Variants in AP4S1 observed in about 807,000 individuals in gnomAD.
AP4S1 encodes the protein AP-4 complex subunit sigma-1.
A neutral mutation model predicts 19.8 loss-of-function variants in AP4S1; 23 were observed. The observed-to-expected ratio is 1.16, with a 90% confidence interval of 0.84 to 1.65. The LOEUF (loss-of-function observed/expected upper bound fraction) is 1.65, where lower values mean the gene tolerates loss of function less well. AP4S1 is among the 40% of genes most tolerant of loss of function. The pLI, the probability that AP4S1 is intolerant of heterozygous loss-of-function variation, is 0.00. For missense variants in AP4S1, 166 were observed against 172.8 expected, an observed-to-expected ratio of 0.96 and a Z score of 0.22; for synonymous variants, 46 against 54.1, an observed-to-expected ratio of 0.85 and a Z score of 0.66.
chr14:31,092,116 T>C (rs1303065468), intron 5 of AP4S1, among the ~76,000 whole-genome samples: 1 of 152,226 alleles, frequency 6.6e-6, no homozygotes, highest in Non-Finnish European at 1.5e-5. Flanking sequence ...TAAGCCAAAG[T>C]GGCTCCATCA....
At chr14:31,068,491 C>G (rs990378674) in intron 2 of AP4S1, among the ~76,000 whole-genome samples, 3 of 152,238 alleles carry the variant, frequency 2.0e-5, no homozygotes, top group African/African-American at 7.2e-5. Flanking sequence ...CCATGGCACA[C>G]ACTGTTTCAT....
At chr14:31,071,872 T>C (rs2139063429) in intron 3 of AP4S1, among the ~76,000 whole-genome samples, 1 of 151,894 alleles carries the variant, frequency 6.6e-6, no homozygotes, top group South Asian at 2.1e-4. Flanking sequence ...CACACCAAGA[T>C]ACCTGGATAT....
At chr14:31,082,947 GT>G (rs2139108119) in intron 5 of AP4S1, among the ~76,000 whole-genome samples, 1 of 151,950 alleles carries the variant, frequency 6.6e-6, no homozygotes, top group South Asian at 2.1e-4. Context: ...AGCCTTAATA[GT>G]TGATGTTGCC....
intron 1 of AP4S1, among the ~76,000 whole-genome samples, chr14:31,057,697 C>T (rs1886196512): frequency 6.6e-6 from 1 of 152,056 alleles, no homozygotes; most frequent in Non-Finnish European, 1.5e-5. Flanking sequence ...GCAGTCTCGG[C>T]TTACTGCAAC....
At chr14:31,076,155 A>G (rs1247461246) in intron 4 of AP4S1, among the ~76,000 whole-genome samples, 1 of 152,208 alleles carries the variant, frequency 6.6e-6, no homozygotes, top group African/African-American at 2.4e-5. Context: ...GCATAGAACC[A>G]TGCTTTCAGT....
Position 31,093,132 on chromosome 14 carries a change from A to G in AP4S1, c.*97A>G. On this transcript the variant is annotated 3_prime_UTR_variant, in exon 6 of 6. Coordinates refer to ENST00000542754, the MANE Select transcript of AP4S1 (RefSeq NM_001128126.3). Reference sequence around the variant, plus strand: ...ACCCAGAAGAATCTGGAAGACCACAATTACAAAATGGGGTATCCTTCCAAA... The same window carrying G: ...ACCCAGAAGAATCTGGAAGACCACAGTTACAAAATGGGGTATCCTTCCAAA... 1.6e-6 allele frequency: 2 copies of G among 1,265,822 alleles called. No homozygotes were observed. Among genetic ancestry groups the G allele is most frequent in the Non-Finnish European group, 1.1e-6 (1 of 936,384 alleles). The allele number at this position is 1,265,822 out of a possible 1,614,324, so 78.4% of individuals were successfully genotyped here.
chr14:31,053,862 A>AT (rs1885953607), intron 1 of AP4S1, among the ~76,000 whole-genome samples: 1 of 152,166 alleles, frequency 6.6e-6, no homozygotes. Context: ...GTTTAAAAAA[A>AT]TAATAAAGTT....
At chr14:31,064,796 A>C (rs570032708) in intron 1 of AP4S1, among the ~76,000 whole-genome samples, 4 of 152,314 alleles carry the variant, frequency 2.6e-5, no homozygotes, top group Admixed American at 2.6e-4. Flanking sequence ...CTCTACAAAA[A>C]GTTAAAAAAT....
At chr14:31,082,966 T>C (rs1887731411) in intron 5 of AP4S1, among the ~76,000 whole-genome samples, 1 of 152,190 alleles carries the variant, frequency 6.6e-6, no homozygotes, top group African/African-American at 2.4e-5. Flanking sequence ...GCCATGACTT[T>C]AGGTAACTGA....
intron 1 of AP4S1, among the ~76,000 whole-genome samples, chr14:31,042,082 C>T (rs1044843825): frequency 1.3e-5 from 2 of 152,184 alleles, no homozygotes; most frequent in South Asian, 2.1e-4. Context: ...CCACATGCCT[C>T]AGCTTCCCAA....
intron 5 of AP4S1, among the ~76,000 whole-genome samples, chr14:31,084,075 C>G (rs1448861954): frequency 6.6e-6 from 1 of 152,184 alleles, no homozygotes; most frequent in East Asian, 1.9e-4. Flanking sequence ...TCCCTTAGGC[C>G]TTAAAAGGTT....
intron 1 of AP4S1, among the ~76,000 whole-genome samples, chr14:31,045,428 C>T (rs538036305): frequency 2.6e-5 from 4 of 151,990 alleles, no homozygotes; most frequent in Admixed American, 6.6e-5. Context: ...TGATAGTGAG[C>T]GAGTGTGATA....
chr14:31,089,734 T>C (rs1355308645), intron 5 of AP4S1, among the ~76,000 whole-genome samples: 1 of 152,072 alleles, frequency 6.6e-6, no homozygotes, highest in Non-Finnish European at 1.5e-5. Flanking sequence ...CTGGCCAACA[T>C]GGCAAAACCT....
intron 1 of AP4S1, among the ~76,000 whole-genome samples, chr14:31,061,982 A>G (rs916152979): frequency 5.3e-5 from 8 of 152,026 alleles, no homozygotes; most frequent in African/African-American, 1.9e-4. Context: ...AGATTGATCT[A>G]TATGCCACAT....
intron 1 of AP4S1, 121 bp downstream of exon 1, chr14:31,025,908 A>G: frequency 6.2e-7 from 1 of 1,600,836 alleles, no homozygotes; most frequent in Non-Finnish European, 8.5e-7. Flanking sequence ...AGGTACCTGC[A>G]GTTCGGCCCG....
At chr14:31,085,560 G>A (rs1165482901) in intron 5 of AP4S1, 1 of 975,894 alleles carries the variant, frequency 1.0e-6, no homozygotes, top group Admixed American at 6.2e-5. Context: ...GATTGCTTGA[G>A]GCCAGGAGTT....
At chr14:31,083,927 G>T (rs1429630516) in intron 5 of AP4S1, among the ~76,000 whole-genome samples, 1 of 152,146 alleles carries the variant, frequency 6.6e-6, no homozygotes, top group African/African-American at 2.4e-5. Flanking sequence ...AAAGATGAGG[G>T]GATCTTGTCG....
At chr14:31,058,527 A>ATG (rs140119208) in intron 1 of AP4S1, among the ~76,000 whole-genome samples, 2,568 of 136,496 alleles carry the variant, frequency 0.019, 35 homozygotes, top group East Asian at 0.062. Context: ...CTGTGTGTGT[A>ATG]TGTGTGTGTG....
chr14:31,038,489 G>A (rs561717435), intron 1 of AP4S1, among the ~76,000 whole-genome samples: 1 of 151,962 alleles, frequency 6.6e-6, no homozygotes, highest in Non-Finnish European at 1.5e-5. Context: ...TATATAGAGG[G>A]TACAAAAGGT....
Sources: allele counts gnomAD v4.1 joint callset (sites outside exome capture counted in the v4.1 genomes callset), GRCh38; gene constraint gnomAD v4.1.1; transcripts MANE v1.5; gene names NCBI Gene and HGNC (gene_info 2026-07-23, HGNC 2026-07-21).